The following FRMD4A variants were observed in gnomAD, a reference collection of about 807,000 sequenced individuals.
FRMD4A encodes the protein FERM domain containing 4A, also known as FERM domain-containing protein 4A.
FRMD4A carries 29 observed loss-of-function variants against 129.1 expected under a neutral mutation model. That is an observed-to-expected ratio of 0.22 (90% CI 0.17 to 0.31). FRMD4A has a LOEUF of 0.31. FRMD4A is among the 10% of genes least tolerant of loss of function. The probability of loss-of-function intolerance (pLI) is 1.00; values close to 1 mark genes in which losing one functional copy is unlikely to be tolerated. For synonymous variants in FRMD4A, 634 were observed against 571.6 expected, an observed-to-expected ratio of 1.11 and a Z score of -1.56; for missense variants, 1,272 against 1,375.8, an observed-to-expected ratio of 0.92 and a Z score of 1.19.
At chr10:13,858,763 T>TC in intron 3 of FRMD4A, 84 bp downstream of exon 3, 2 of 814,000 alleles carry the variant, frequency 2.5e-6, no homozygotes, top group Admixed American at 3.5e-5. Flanking sequence ...GTTTACCAAA[T>TC]CCCCCTTCAT....
chr10:13,954,914 G>A (rs749615211), intron 2 of FRMD4A, among the ~76,000 whole-genome samples: 8 of 151,998 alleles, frequency 5.3e-5, no homozygotes, highest in East Asian at 1.9e-4. Flanking sequence ...AGAAATTATC[G>A]GCACATTATC....
intron 2 of FRMD4A, among the ~76,000 whole-genome samples, chr10:14,142,234 G>T (rs1043967407): frequency 1.3e-5 from 2 of 151,886 alleles, no homozygotes; most frequent in Non-Finnish European, 2.9e-5. Context: ...TCATGCAATC[G>T]TGGTTATTCA....
chr10:13,847,962 C>G (rs1046919307), intron 3 of FRMD4A, among the ~76,000 whole-genome samples: 2 of 152,238 alleles, frequency 1.3e-5, no homozygotes, highest in African/African-American at 2.4e-5. Context: ...ATTTGTTACC[C>G]CTTGGGTCCC....
chr10:13,938,899 A>G (rs1159062757), intron 2 of FRMD4A, among the ~76,000 whole-genome samples: 1 of 152,046 alleles, frequency 6.6e-6, no homozygotes, highest in African/African-American at 2.4e-5. Flanking sequence ...ACCAAGTACC[A>G]ATAGTCCAAG....
At chr10:14,321,714 G>C (rs932452393) in intron 2 of FRMD4A, among the ~76,000 whole-genome samples, 2 of 152,168 alleles carry the variant, frequency 1.3e-5, no homozygotes, top group African/African-American at 4.8e-5. Flanking sequence ...AGGCAACAGT[G>C]ATAAGAGACT....
At chr10:13,949,338 A>T (rs1027959526) in intron 2 of FRMD4A, among the ~76,000 whole-genome samples, 1 of 149,606 alleles carries the variant, frequency 6.7e-6, no homozygotes, top group Non-Finnish European at 1.5e-5. Context: ...AAAGAATAGG[A>T]TGGGGTAATG....
chr10:13,792,755 G>T (rs2093031568), intron 5 of FRMD4A, among the ~76,000 whole-genome samples: 1 of 152,166 alleles, frequency 6.6e-6, no homozygotes, highest in South Asian at 2.1e-4. Context: ...GTGATTTGCT[G>T]GTTGAAAAAC....
intron 2 of FRMD4A, among the ~76,000 whole-genome samples, chr10:14,177,268 G>T (rs1371999125): frequency 1.3e-5 from 2 of 151,926 alleles, no homozygotes; most frequent in African/African-American, 4.8e-5. Context: ...CATGATCTTG[G>T]CTCACTGCAA....
At chr10:14,066,266 C>T (rs1002303571) in intron 2 of FRMD4A, among the ~76,000 whole-genome samples, 1 of 151,480 alleles carries the variant, frequency 6.6e-6, no homozygotes, top group Admixed American at 6.6e-5. Flanking sequence ...TCACCTGCTG[C>T]CAAACCAAAG....
At chr10:13,772,353 C>CT (rs2092482931) in intron 6 of FRMD4A, among the ~76,000 whole-genome samples, 1 of 151,802 alleles carries the variant, frequency 6.6e-6, no homozygotes, top group South Asian at 2.1e-4. Flanking sequence ...ACACCAGACT[C>CT]TAAGGTTAAG....
At chr10:14,177,274 T>A (rs1478132186) in intron 2 of FRMD4A, among the ~76,000 whole-genome samples, 2 of 152,130 alleles carry the variant, frequency 1.3e-5, no homozygotes, top group Non-Finnish European at 2.9e-5. Flanking sequence ...CTTGGCTCAC[T>A]GCAATCTCTA....
intron 2 of FRMD4A, among the ~76,000 whole-genome samples, chr10:13,957,795 C>A (rs1443027143): frequency 6.6e-6 from 1 of 152,032 alleles, no homozygotes; most frequent in East Asian, 1.9e-4. Flanking sequence ...GTCCTTGTAT[C>A]TTTCTGGCCC....
At chr10:13,883,624 C>A (rs1042956277) in intron 2 of FRMD4A, among the ~76,000 whole-genome samples, 3 of 152,168 alleles carry the variant, frequency 2.0e-5, no homozygotes, top group African/African-American at 7.2e-5. Context: ...AAATCTCTAT[C>A]GACTAATTTA....
intron 2 of FRMD4A, among the ~76,000 whole-genome samples, chr10:14,152,970 G>T (rs1263973872): frequency 6.6e-6 from 1 of 152,184 alleles, no homozygotes; most frequent in Non-Finnish European, 1.5e-5. Context: ...CAAGATCCCA[G>T]GCGGCTCCTG....
Position 13,657,419 on chromosome 10 carries a change from C to T in FRMD4A, c.2170G>A (p.Asp724Asn), listed in dbSNP as rs750755755. The change falls in exon 22 of 25, where the codon GAC becomes AAC. Residue 724 changes from aspartate to asparagine, a missense_variant. Transcript: ENST00000357447. ...SQGKLLGSEN[D>N]TGSPDFYTPR... is the part of the protein sequence containing the mutation. ...GTGTAGAAGTCGGGGCTCCCGGTGT[C>T]GTTTTCCGAGCCCAGGAGCTTGCCC... The T allele has an allele frequency of 1.3e-5, 21 of 1,612,768 alleles. No individual in the cohort carries two copies. The highest frequency in any genetic ancestry group is 3.3e-5 in the South Asian group (3 of 91,058).
chr10:13,852,625 G>C (rs2094155225), intron 3 of FRMD4A, among the ~76,000 whole-genome samples: 1 of 152,112 alleles, frequency 6.6e-6, no homozygotes, highest in African/African-American at 2.4e-5. Flanking sequence ...TTTTAACACG[G>C]ACTCACCAAG....
intron 2 of FRMD4A, among the ~76,000 whole-genome samples, chr10:14,069,735 T>A (rs1456078532): frequency 2.0e-5 from 3 of 152,222 alleles, no homozygotes; most frequent in Non-Finnish European, 4.4e-5. Context: ...TAATGTAGGT[T>A]AGTTCTCCCT....
chr10:13,988,989 G>C (rs189520877), intron 2 of FRMD4A, among the ~76,000 whole-genome samples: 6 of 152,198 alleles, frequency 3.9e-5, no homozygotes, highest in Admixed American at 3.9e-4. Context: ...ATTATAAACT[G>C]ACGCTTGAGA....
intron 2 of FRMD4A, among the ~76,000 whole-genome samples, chr10:13,936,839 T>C (rs1043953859): frequency 9.2e-5 from 14 of 152,248 alleles, no homozygotes; most frequent in Non-Finnish European, 1.3e-4. Context: ...ATATTCTACA[T>C]TGATTTTTTA....
Sources: allele counts gnomAD v4.1 joint callset (sites outside exome capture counted in the v4.1 genomes callset), GRCh38; gene constraint gnomAD v4.1.1; transcripts MANE v1.5; gene names NCBI Gene and HGNC (gene_info 2026-07-23, HGNC 2026-07-21).